The following NXPH1 variants were observed in gnomAD, a reference collection of about 807,000 sequenced individuals.
The protein encoded by NXPH1 is neurexophilin 1, also known as neurexophilin-1.
Under a neutral mutation model 23.7 loss-of-function variants are expected in NXPH1, and 5 were observed. The ratio of observed to expected loss-of-function variants is 0.21; its 90% CI spans 0.11 to 0.44. The LOEUF is 0.44. Ranked by LOEUF, NXPH1 falls within the 20% of genes least tolerant of loss-of-function variation. The pLI, the probability that NXPH1 is intolerant of heterozygous loss-of-function variation, is 0.99. For missense variants in NXPH1, 324 were observed against 321.6 expected (o/e 1.01, Z -0.06); for synonymous variants, 144 against 122.2 (o/e 1.18, Z -1.18).
intron 2 of NXPH1, among the ~76,000 whole-genome samples, chr7:8,595,253 C>T (rs1382251479): frequency 2.6e-5 from 4 of 152,028 alleles, no homozygotes; most frequent in Non-Finnish European, 5.9e-5. Context: ...GCTTATGTCA[C>T]TTCGAGCAAC....
At chr7:8,626,730 G>A (rs1196794053) in intron 2 of NXPH1, among the ~76,000 whole-genome samples, 1 of 151,878 alleles carries the variant, frequency 6.6e-6, no homozygotes, top group Non-Finnish European at 1.5e-5. Context: ...CTATTTTTAA[G>A]GCATATTTCA....
At chr7:8,497,823 C>T (rs1243829857) in intron 2 of NXPH1, among the ~76,000 whole-genome samples, 3 of 152,122 alleles carry the variant, frequency 2.0e-5, no homozygotes, top group Non-Finnish European at 2.9e-5. Context: ...TGCCTGTTCA[C>T]TGTGCTGGTA....
At chr7:8,596,014 T>C (rs1221587554) in intron 2 of NXPH1, among the ~76,000 whole-genome samples, 1 of 152,118 alleles carries the variant, frequency 6.6e-6, no homozygotes, top group Non-Finnish European at 1.5e-5. Flanking sequence ...AAATTTAGCA[T>C]GCAAGTTTGA....
chr7:8,435,494 C>A lies in NXPH1; in HGVS notation c.-110-110C>A. 1.7e-6 allele frequency: 1 copy of A among 580,374 alleles called. No individual in the cohort carries two copies. The highest frequency in any genetic ancestry group is 3.1e-6 in the Non-Finnish European group (1 of 325,570). The allele number at this position is 580,374 out of a possible 1,614,324, so 36.0% of individuals were successfully genotyped here. Reference sequence around the variant, plus strand: ...TTTTCAATTTTTCGTACCCTCCCTCCCTTTTTTTTTTGGTCCCCCACTCCC... The same window carrying A: ...TTTTCAATTTTTCGTACCCTCCCTCACTTTTTTTTTTGGTCCCCCACTCCC... On this transcript the variant is annotated intron_variant, in intron 1 of 2. Transcript: ENST00000405863. This position sits in a 1 kb window ranked among gnomAD's most constrained non-coding sequence, Gnocchi z 5.9.
chr7:8,507,461 T>A (rs552532045), intron 2 of NXPH1, among the ~76,000 whole-genome samples: 1 of 152,198 alleles, frequency 6.6e-6, no homozygotes, highest in African/African-American at 2.4e-5. Context: ...TTATTATCAT[T>A]ACTTTGGTCA....
In NXPH1 at chr7:8,586,645, A is replaced by G. The variant is rs566481577; in HGVS notation, c.54+150878A>G. ...ATAATGAATATATATATATATATAT[A>G]TACACACACACACACATCGAGTAGA... On this transcript the variant is annotated intron_variant, in intron 2 of 2. Coordinates refer to ENST00000405863, the MANE Select transcript of NXPH1 (RefSeq NM_152745.3). Among the ~76,000 whole-genome samples, 14 of 150,850 alleles carry G rather than the reference A, an allele frequency of 9.3e-5. No homozygotes were observed. The South Asian group carries it at 1.5e-3, about 16-fold the overall frequency.
At chr7:8,466,775 G>A (rs1226368217) in intron 2 of NXPH1, among the ~76,000 whole-genome samples, 1 of 152,094 alleles carries the variant, frequency 6.6e-6, no homozygotes. Flanking sequence ...CCCTTGTCTT[G>A]AAAATTTACT....
chr7:8,476,183 C>T (rs117981366), intron 2 of NXPH1, among the ~76,000 whole-genome samples: 4,158 of 152,166 alleles, frequency 0.027, 86 homozygotes, highest in Middle Eastern at 0.044. Context: ...AATTACCTTT[C>T]CCTATTCTGT....
intron 2 of NXPH1, among the ~76,000 whole-genome samples, chr7:8,738,594 C>T (rs1001309893): frequency 1.3e-5 from 2 of 152,240 alleles, no homozygotes; most frequent in East Asian, 1.9e-4. Context: ...TCAGGAGGCA[C>T]GGGAGTGAGG....
intron 2 of NXPH1, among the ~76,000 whole-genome samples, chr7:8,746,874 T>A (rs1021925553): frequency 2.6e-5 from 4 of 151,548 alleles, no homozygotes; most frequent in African/African-American, 7.3e-5. Flanking sequence ...CTTTTTTTTT[T>A]AATTGTTTGC....
At chr7:8,580,522 G>C (rs1818845451) in intron 2 of NXPH1, among the ~76,000 whole-genome samples, 1 of 152,136 alleles carries the variant, frequency 6.6e-6, no homozygotes, top group Non-Finnish European at 1.5e-5. Flanking sequence ...TTGGAAAATT[G>C]CAAAGCTGCT....
At chr7:8,558,255 T>C (rs1818391879) in intron 2 of NXPH1, among the ~76,000 whole-genome samples, 1 of 151,650 alleles carries the variant, frequency 6.6e-6, no homozygotes, top group Non-Finnish European at 1.5e-5. Flanking sequence ...ATTTTATCTA[T>C]TTTATTTTAT....
chr7:8,664,693 C>T (rs79862804), intron 2 of NXPH1, among the ~76,000 whole-genome samples: 1 of 151,906 alleles, frequency 6.6e-6, no homozygotes, highest in Non-Finnish European at 1.5e-5. Flanking sequence ...CCACACTTCT[C>T]ATTTTTTGTC....
intron 2 of NXPH1, among the ~76,000 whole-genome samples, chr7:8,730,489 T>C (rs948990067): frequency 2.6e-5 from 4 of 152,162 alleles, no homozygotes; most frequent in African/African-American, 9.7e-5. Flanking sequence ...CGGTTGTTCC[T>C]TTCCATGTTT....
At chr7:8,729,505 C>T (rs1780113283) in intron 2 of NXPH1, among the ~76,000 whole-genome samples, 1 of 136,560 alleles carries the variant, frequency 7.3e-6, no homozygotes, top group African/African-American at 3.0e-5. Flanking sequence ...CTACACACTG[C>T]TTTGAATGCG....
chr7:8,683,897 A>G (rs1821098503), intron 2 of NXPH1, among the ~76,000 whole-genome samples: 5 of 152,180 alleles, frequency 3.3e-5, no homozygotes, highest in Admixed American at 3.3e-4. Context: ...CATTGCTATA[A>G]AATGATAATT....
intron 2 of NXPH1, among the ~76,000 whole-genome samples, chr7:8,534,632 T>G (rs1394408275): frequency 2.0e-5 from 3 of 152,130 alleles, no homozygotes; most frequent in Non-Finnish European, 4.4e-5. Flanking sequence ...TATTTATCTG[T>G]GTAAGCTAAA....
chr7:8,621,496 T>A (rs1434685203), intron 2 of NXPH1, among the ~76,000 whole-genome samples: 4 of 151,748 alleles, frequency 2.6e-5, no homozygotes, highest in Admixed American at 6.6e-5. Flanking sequence ...CACTCTTTTT[T>A]TTTTTTTTGA....
At chr7:8,637,046 G>T (rs1198055422) in intron 2 of NXPH1, among the ~76,000 whole-genome samples, 1 of 152,116 alleles carries the variant, frequency 6.6e-6, no homozygotes, top group African/African-American at 2.4e-5. Context: ...AAATCCTTTT[G>T]TGTACATTTT....
Sources: gnomAD v4.1 joint callset for allele counts (sites outside exome capture counted in the v4.1 genomes callset) on GRCh38, gnomAD v4.1.1 for gene constraint, Gnocchi (gnomAD v3.1) non-coding constraint, MANE v1.5 for transcripts, NCBI Gene and HGNC (gene_info 2026-07-23, HGNC 2026-07-21) for gene names.